ZNF865: variants seen among roughly 807,000 people sequenced by gnomAD.
ZNF865 encodes zinc finger protein 865.
For synonymous variants in ZNF865, 763 were observed against 750.8 expected, an observed-to-expected ratio of 1.02 and a Z score of -0.27; for missense variants, 1,311 against 1,593.4, an observed-to-expected ratio of 0.82 and a Z score of 3.02.
intron 1 of ZNF865, among the ~76,000 whole-genome samples, chr19:55,608,053 C>T (rs1981003869): frequency 6.6e-6 from 1 of 152,070 alleles, no homozygotes; most frequent in Admixed American, 6.5e-5. Flanking sequence ...TGATGCTGAG[C>T]AGTAAGGAGA....
At chr19:55,607,460 AAAG>A (rs1286427428) in intron 1 of ZNF865, among the ~76,000 whole-genome samples, 2 of 151,722 alleles carry the variant, frequency 1.3e-5, no homozygotes, top group African/African-American at 2.4e-5. Context: ...AAAAAAAAAA[AAAG>A]CTGGGTGTGG....
At chr19:55,612,207 G>T (rs1358165711) in intron 1 of ZNF865, among the ~76,000 whole-genome samples, 1 of 152,194 alleles carries the variant, frequency 6.6e-6, no homozygotes, top group African/African-American at 2.4e-5. Context: ...CGGTATAGGG[G>T]TTCCCCCATT....
rs973618463 is a variant in ZNF865, at chr19:55,615,960, C to T, written c.2342C>T (p.Ala781Val). Residue 781 changes from alanine to valine, a missense_variant, in exon 2 of 2, where the codon GCT becomes GTT. Transcript: ENST00000568956. ...GCAGGCGGGGCGGCGGTGGCAGGTGCTGGCGGGGGTGCCAGTTCCGGCCCC... is the reference window on the plus strand; with the variant it reads ...GCAGGCGGGGCGGCGGTGGCAGGTGTTGGCGGGGGTGCCAGTTCCGGCCCC... ...EDAGGAAVAG[A>V]GGGASSGPER... The T allele has an allele frequency of 4.6e-6, 7 of 1,506,702 alleles. No individual in the cohort carries two copies. The highest frequency in any genetic ancestry group is 2.0e-5 in the Admixed American group (1 of 48,866). The allele number at this position is 1,506,702 out of a possible 1,614,324, so 93.3% of individuals were successfully genotyped here. A position where few individuals can be genotyped will look rare whatever the true frequency, so the allele number is the denominator to read the frequency against.
chr19:55,615,482 A>G lies in ZNF865; in HGVS notation c.1864A>G (p.Thr622Ala), dbSNP rs147387030. Reference sequence around the variant, plus strand: ...GGTCTTCGGCTACCCGCAGAGCCTCACCCGCCACCGCCAGGTGCACCGGCT... The same window carrying G: ...GGTCTTCGGCTACCCGCAGAGCCTCGCCCGCCACCGCCAGGTGCACCGGCT... Reference protein sequence around the residue: ...GKVFGYPQSLTRHRQVHRLQL... With the variant: ...GKVFGYPQSLARHRQVHRLQL... The change falls in exon 2 of 2, where the codon ACC (threonine) becomes GCC (alanine). Residue 622 changes from threonine (T) to alanine (A), a missense_variant. Thr to Ala is a moderately conservative substitution (Grantham distance 58, BLOSUM62 0). Coordinates refer to ENST00000568956, the MANE Select transcript of ZNF865 (RefSeq NM_001195605.2). The G allele has an allele frequency of 1.3e-6, 2 of 1,510,294 alleles. No individual in the cohort carries two copies. Among genetic ancestry groups the G allele is most frequent in the Non-Finnish European group, 1.8e-6 (2 of 1,134,358 alleles). The allele number at this position is 1,510,294 out of a possible 1,614,324, so 93.6% of individuals were successfully genotyped here.
Position 55,616,704 on chromosome 19 carries a change from C to A in ZNF865, c.3086C>A (p.Thr1029Asn). 2 of 1,526,214 alleles carry A rather than the reference C, an allele frequency of 1.3e-6. No individual in the cohort carries two copies. The highest frequency in any genetic ancestry group is 1.8e-6 in the Non-Finnish European group (2 of 1,142,396). The allele number at this position is 1,526,214 out of a possible 1,614,324, so 94.5% of individuals were successfully genotyped here. The change falls in exon 2 of 2, where the codon ACC (threonine) becomes AAC (asparagine). Residue 1029 changes from threonine to asparagine, a missense_variant. Thr to Asn is a moderately conservative substitution (Grantham distance 65, BLOSUM62 0). Coordinates refer to ENST00000568956, the MANE Select transcript of ZNF865 (RefSeq NM_001195605.2). The stretch of plus-strand genomic sequence containing the variant: ...TCCTGCGGCGAGGGCTTCGCCAACA[C>A]CTACGGCCTCAAGAAACACCGCCTG... Reference protein sequence around the residue: ...CSSCGEGFANTYGLKKHRLAH... With the variant: ...CSSCGEGFANNYGLKKHRLAH...
chr19:55,617,163 G>C lies in ZNF865; in HGVS notation c.*365G>C, dbSNP rs1336277468. 3 of 156,644 alleles carry C rather than the reference G, an allele frequency of 1.9e-5. No homozygotes were observed. The highest frequency in any genetic ancestry group is 4.2e-5 in the Non-Finnish European group (3 of 72,002). 9.7% of individuals were successfully genotyped at this position (156,644 alleles called of 1,614,324 possible). A position where few individuals can be genotyped will look rare whatever the true frequency, so the allele number is the denominator to read the frequency against. On this transcript the variant is annotated 3_prime_UTR_variant, in exon 2 of 2. Coordinates refer to ENST00000568956, the MANE Select transcript of ZNF865 (RefSeq NM_001195605.2). ...GACAGTGGAGTATGAGCAGAGTTGG[G>C]AGGGCACAAGGGAGTGCTGGGTGCT... is the stretch of plus-strand genomic sequence containing the variant.
intron 1 of ZNF865, among the ~76,000 whole-genome samples, chr19:55,612,153 A>G (rs950623770): frequency 6.6e-6 from 1 of 152,158 alleles, no homozygotes; most frequent in Non-Finnish European, 1.5e-5. Flanking sequence ...CTGCTGATGC[A>G]TGTGTTTCAT....
Position 55,613,810 on chromosome 19 carries a change from C to T in ZNF865, c.192C>T (p.Pro64=). Residue 64 remains proline (P), a synonymous_variant, in exon 2 of 2, where the codon CCC becomes CCT. Coordinates refer to ENST00000568956, the MANE Select transcript of ZNF865 (RefSeq NM_001195605.2). ...CGGCCCTGCCCTGCGCCCCCGGCCC[C>T]CCGCCGCAGCCCCCGCCGCAGCCCC... is the stretch of plus-strand genomic sequence containing the variant. ...AVAALPCAPG[P]PPQPPPQPPP... is the part of the protein sequence containing the mutation. The T allele has an allele frequency of 6.7e-7, 1 of 1,496,896 alleles. No homozygotes were observed. Among genetic ancestry groups the T allele is most frequent in the South Asian group, 1.3e-5 (1 of 78,520 alleles). 92.7% of individuals were successfully genotyped at this position (1,496,896 alleles called of 1,614,324 possible). A position where few individuals can be genotyped will look rare whatever the true frequency, so the allele number is the denominator to read the frequency against.
intron 1 of ZNF865, among the ~76,000 whole-genome samples, chr19:55,608,220 C>T (rs1981009431): frequency 6.6e-6 from 1 of 151,022 alleles, no homozygotes; most frequent in African/African-American, 2.4e-5. Context: ...CAGGCAACAG[C>T]AACAGCCAGC....
In ZNF865 at chr19:55,613,908, C is replaced by T. The variant is rs1261121171; in HGVS notation, c.290C>T (p.Ser97Phe). The T allele has an allele frequency of 6.6e-7, 1 of 1,521,700 alleles. No homozygotes were observed. The highest frequency in any genetic ancestry group is 2.5e-5 in the East Asian group (1 of 40,428). The allele number at this position is 1,521,700 out of a possible 1,614,324, so 94.3% of individuals were successfully genotyped here. Residue 97 changes from serine (S) to phenylalanine (F), a missense_variant, in exon 2 of 2, where the codon TCC becomes TTC. Transcript: ENST00000568956. ...PKAEVPSSSSSSSSSSSSSSS... is the reference protein window; with the variant it reads ...PKAEVPSSSSFSSSSSSSSSS... ...GCGGAGGTGCCCTCCTCGTCCTCGTCCTCGTCCTCCTCCTCCTCCTCTTCG... is the reference window on the plus strand; with the variant it reads ...GCGGAGGTGCCCTCCTCGTCCTCGTTCTCGTCCTCCTCCTCCTCCTCTTCG...
At position 55,616,040 on chromosome 19, in the gene ZNF865, G is replaced by A. The variant is rs1367630984; in HGVS notation, c.2422G>A (p.Val808Met). The change falls in exon 2 of 2, where the codon GTG becomes ATG. Residue 808 changes from valine to methionine, a missense_variant. Transcript: ENST00000568956. ...GAGTTTCAAGCACTTCCTGGGCCTC[G>A]TGACTCACAAGTACGTGCACCTGGT... Reference protein sequence around the residue: ...GQSFKHFLGLVTHKYVHLVRR... With the variant: ...GQSFKHFLGLMTHKYVHLVRR... 6.6e-7 allele frequency: 1 copy of A among 1,524,752 alleles called. No individual in the cohort carries two copies. The highest frequency in any genetic ancestry group is 2.5e-5 in the East Asian group (1 of 40,030). 94.5% of individuals were successfully genotyped at this position (1,524,752 alleles called of 1,614,324 possible). A position where few individuals can be genotyped will look rare whatever the true frequency, so the allele number is the denominator to read the frequency against.
chr19:55,608,044 G>T (rs1981003582), intron 1 of ZNF865, among the ~76,000 whole-genome samples: 1 of 152,230 alleles, frequency 6.6e-6, no homozygotes, highest in Non-Finnish European at 1.5e-5. Flanking sequence ...GGTTATAAAT[G>T]ATGCTGAGCA....
At chr19:55,613,531 A>G (rs987312226) in intron 1 of ZNF865, 62 bp from the exon 2 acceptor site, 6 of 1,382,634 alleles carry the variant, frequency 4.3e-6, no homozygotes, top group Middle Eastern at 2.4e-4. Context: ...GCACAGCTCC[A>G]TTCACCTGCG....
chr19:55,609,781 C>T (rs1441610188), intron 1 of ZNF865, among the ~76,000 whole-genome samples: 2 of 152,172 alleles, frequency 1.3e-5, no homozygotes, highest in Non-Finnish European at 2.9e-5. Flanking sequence ...ACTCCTGTCC[C>T]TTGGTGGTGG....
intron 1 of ZNF865, among the ~76,000 whole-genome samples, chr19:55,609,951 C>G (rs1230499873): frequency 1.3e-5 from 2 of 152,184 alleles, no homozygotes; most frequent in Non-Finnish European, 2.9e-5. Context: ...TCAATTCTGT[C>G]CACCACTGAT....
In ZNF865 at chr19:55,605,743, G is replaced by C. The variant is rs1980913347; in HGVS notation, c.-27+11G>C. On this transcript the variant is annotated intron_variant, in intron 1 of 1. Transcript: ENST00000568956. The stretch of plus-strand genomic sequence containing the variant: ...GAGACCCCGGCGCCGGTGAGTGACG[G>C]GGTGCGTGGCCCGGGGGCCCGGGTG... The C allele has an allele frequency of 6.6e-6, 1 of 152,134 alleles. No homozygotes were observed. Among genetic ancestry groups the C allele is most frequent in the African/African-American group, 2.4e-5 (1 of 41,380 alleles). 9.4% of individuals were successfully genotyped at this position (152,134 alleles called of 1,614,324 possible).
Position 55,615,469 on chromosome 19 carries a change from C to T in ZNF865, c.1851C>T (p.Tyr617=), listed in dbSNP as rs1316935242. ...AGCTCTGCGGCAAGGTCTTCGGCTA[C>T]CCGCAGAGCCTCACCCGCCACCGCC... ...KCELCGKVFG[Y]PQSLTRHRQV... Residue 617 remains tyrosine, a synonymous_variant, in exon 2 of 2, where the codon TAC becomes TAT. Transcript: ENST00000568956. 2 of 1,508,910 alleles carry T rather than the reference C, an allele frequency of 1.3e-6. No homozygotes were observed. The highest frequency in any genetic ancestry group is 5.0e-5 in the East Asian group (2 of 39,966). 93.5% of individuals were successfully genotyped at this position (1,508,910 alleles called of 1,614,324 possible). A position where few individuals can be genotyped will look rare whatever the true frequency, so the allele number is the denominator to read the frequency against.
At chr19:55,610,268 TTG>T (rs1393786439) in intron 1 of ZNF865, among the ~76,000 whole-genome samples, 2 of 152,184 alleles carry the variant, frequency 1.3e-5, no homozygotes, top group Non-Finnish European at 2.9e-5. Context: ...TTTTGTTTGT[TTG>T]TGTTTTTGAG....
Position 55,614,820 on chromosome 19 carries a change from C to T in ZNF865, c.1202C>T (p.Ser401Leu), listed in dbSNP as rs1981286073. Residue 401 changes from serine (S) to leucine (L), a missense_variant, in exon 2 of 2, where the codon TCG becomes TTG. Ser to Leu is a moderately radical substitution (Grantham distance 145). Coordinates refer to ENST00000568956, the MANE Select transcript of ZNF865 (RefSeq NM_001195605.2). This position sits in a 1 kb window ranked among gnomAD's most constrained non-coding sequence, Gnocchi z 8.0. ...ESLKRHVKTHSADLLRLPCGI... is the reference protein window; with the variant it reads ...ESLKRHVKTHLADLLRLPCGI... ...CTGAAGCGCCACGTGAAGACGCACT[C>T]GGCCGACCTCCTGCGCCTGCCCTGC... The T allele has an allele frequency of 6.5e-7, 1 of 1,539,556 alleles. No individual in the cohort carries two copies.
Sources: gnomAD v4.1 joint callset for allele counts (sites outside exome capture counted in the v4.1 genomes callset) on GRCh38, gnomAD v4.1.1 for gene constraint, Gnocchi (gnomAD v3.1) non-coding constraint, MANE v1.5 for transcripts, NCBI Gene and HGNC (gene_info 2026-07-23, HGNC 2026-07-21) for gene names.